TMCO1: variants seen among roughly 807,000 people sequenced by gnomAD.
TMCO1 encodes calcium load-activated calcium channel.
A neutral mutation model predicts 29.3 loss-of-function variants in TMCO1; 29 were observed. The ratio of observed to expected loss-of-function variants is 0.99; its 90% CI spans 0.74 to 1.35. The LOEUF (loss-of-function observed/expected upper bound fraction) is 1.35. Among genes scored for constraint, TMCO1 ranks in the 40% most tolerant of loss-of-function variants. TMCO1 has a pLI of 0.00. For missense variants in TMCO1, 173 were observed against 225.5 expected, an observed-to-expected ratio of 0.77 and a Z score of 1.49; for synonymous variants, 80 against 77.1, an observed-to-expected ratio of 1.04 and a Z score of -0.20.
chr1:165,726,048 G>A (rs1161141203), downstream of TMCO1: 4 of 690,526 alleles, frequency 5.8e-6, no homozygotes, highest in East Asian at 1.1e-4. Flanking sequence ...GTGATAGAGT[G>A]TGCTATATAT....
intron 2 of TMCO1, among the ~76,000 whole-genome samples, chr1:165,762,951 C>T (rs1652447488): frequency 1.3e-5 from 2 of 152,184 alleles, no homozygotes; most frequent in South Asian, 4.1e-4. Context: ...AGAAGACCTA[C>T]TGATATTTAG....
At chr1:165,724,799 A>G (rs533937873), downstream of TMCO1, 4 of 454,008 alleles carry the variant, frequency 8.8e-6, no homozygotes, top group East Asian at 2.8e-4. Flanking sequence ...TCTTAGGTGT[A>G]AAAATGGTAT....
intron 5 of TMCO1, among the ~76,000 whole-genome samples, chr1:165,747,200 G>T (rs1039125533): frequency 6.9e-6 from 1 of 145,932 alleles, no homozygotes; most frequent in Non-Finnish European, 1.5e-5. Context: ...GGTAGAGGCT[G>T]CAATGAGCCA....
At chr1:165,730,627 C>T (rs1229798960) in intron 6 of TMCO1, among the ~76,000 whole-genome samples, 4 of 152,208 alleles carry the variant, frequency 2.6e-5, no homozygotes, top group African/African-American at 9.6e-5. Context: ...CGTGGTCTTG[C>T]TCTGTCACTG....
At chr1:165,732,878 C>G (rs1034126888) in intron 6 of TMCO1, among the ~76,000 whole-genome samples, 25 of 152,006 alleles carry the variant, frequency 1.6e-4, no homozygotes, top group African/African-American at 6.0e-4. Context: ...ATCTTGCCTT[C>G]CCCAACTTTT....
intron 5 of TMCO1, 66 bp downstream of exon 5, chr1:165,752,036 C>A: frequency 7.7e-7 from 1 of 1,304,174 alleles, no homozygotes; most frequent in Non-Finnish European, 1.1e-6. Flanking sequence ...CCAAAAAGTT[C>A]ATGCTAACAT....
chr1:165,728,802 A>AAT (rs1283403429), intron 6 of TMCO1, among the ~76,000 whole-genome samples: 1 of 151,886 alleles, frequency 6.6e-6, no homozygotes, highest in Non-Finnish European at 1.5e-5. Flanking sequence ...CACTGTCTAT[A>AAT]ATTTTCAGTT....
intron 6 of TMCO1, among the ~76,000 whole-genome samples, chr1:165,730,904 A>AC (rs1263131187): frequency 7.0e-6 from 1 of 143,790 alleles, no homozygotes; most frequent in Admixed American, 7.0e-5. Flanking sequence ...ACTTTGCAAT[A>AC]CTTTTTTTTT....
chr1:165,763,358 G>T (rs556669263), intron 2 of TMCO1, among the ~76,000 whole-genome samples: 1 of 152,048 alleles, frequency 6.6e-6, no homozygotes, highest in African/African-American at 2.4e-5. Context: ...AGAATTTGTG[G>T]CCGCTCATTT....
At chr1:165,768,341 T>C in intron 1 of TMCO1, 72 bp from the exon 2 acceptor site, 1 of 1,548,646 alleles carries the variant, frequency 6.5e-7, no homozygotes, top group Non-Finnish European at 8.9e-7. Context: ...TGGTTACTGT[T>C]GGAGAAGGAG....
At position 165,730,173 on chromosome 1, in the gene TMCO1, C is replaced by G. The variant is rs71519271; in HGVS notation, c.469-2052G>C. 1.7e-4 allele frequency among the ~76,000 whole-genome samples: 23 copies of G among 133,748 alleles called. No individual in the cohort carries two copies. In the South Asian group the frequency reaches 5.4e-3, roughly 32 times the overall value. The allele number at this position is 133,748 out of a possible 152,430, so 87.7% of individuals were successfully genotyped here. On this transcript the variant is annotated intron_variant, in intron 6 of 6. Transcript: ENST00000367881. ...CGTCTGTACTAAAAATACACACACA[C>G]AAAAAAAAAAAAATTAGCCGGGAGA...
At chr1:165,768,146 T>G in intron 2 of TMCO1, 46 bp downstream of exon 2, 448 of 1,446,292 alleles carry the variant, frequency 3.1e-4, no homozygotes, top group Non-Finnish European at 3.9e-4. Context: ...ATGGACTTAA[T>G]GAGCTTGACG....
downstream of TMCO1, chr1:165,726,309 G>T: frequency 1.4e-6 from 1 of 690,550 alleles, no homozygotes; most frequent in South Asian, 1.5e-5. Flanking sequence ...TGCTTTTATT[G>T]AGCTCCTGCT....
At chr1:165,764,838 G>A (rs933971111) in intron 2 of TMCO1, among the ~76,000 whole-genome samples, 4 of 152,202 alleles carry the variant, frequency 2.6e-5, no homozygotes, top group Non-Finnish European at 5.9e-5. Context: ...ATTATAGGGG[G>A]CAAATTTGAG....
intron 6 of TMCO1, among the ~76,000 whole-genome samples, chr1:165,737,843 C>T (rs2101793887): frequency 6.6e-6 from 1 of 152,238 alleles, no homozygotes; most frequent in Non-Finnish European, 1.5e-5. Context: ...CTATAAGAAG[C>T]ACAAGAAAGA....
At chr1:165,725,091 T>C (rs781681003), downstream of TMCO1, 2 of 401,946 alleles carry the variant, frequency 5.0e-6, no homozygotes, top group South Asian at 3.7e-5. Context: ...AGATTTTTCA[T>C]TCTAAAATTT....
downstream of TMCO1, chr1:165,726,449 A>C (rs1650894680): frequency 1.7e-6 from 1 of 577,084 alleles, no homozygotes. Context: ...ACCCATGAGG[A>C]GGCTGTAATA....
chr1:165,753,829 AAAG>A (rs1474576222), intron 4 of TMCO1, among the ~76,000 whole-genome samples: 1 of 152,164 alleles, frequency 6.6e-6, no homozygotes, highest in Admixed American at 6.5e-5. Flanking sequence ...AAAAAAGAAA[AAAG>A]AACACAAGAC....
chr1:165,768,557 C>T, intron 1 of TMCO1, 125 bp downstream of exon 1: 2 of 1,572,946 alleles, frequency 1.3e-6, no homozygotes, highest in Non-Finnish European at 1.7e-6. Context: ...CAGAGATTCC[C>T]TGAAGTGGAG....
Sources: allele counts gnomAD v4.1 joint callset (sites outside exome capture counted in the v4.1 genomes callset), GRCh38; gene constraint gnomAD v4.1.1; transcripts MANE v1.5; gene names NCBI Gene and HGNC (gene_info 2026-07-23, HGNC 2026-07-21).